HIVEP3: variants seen among roughly 807,000 people sequenced by gnomAD.
HIVEP3 encodes transcription factor HIVEP3.
Under a neutral mutation model 152.8 loss-of-function variants are expected in HIVEP3, and 49 were observed. The observed-to-expected ratio is 0.32, with a 90% CI of 0.26 to 0.41. The LOEUF (loss-of-function observed/expected upper bound fraction) is 0.41, where lower values mean the gene tolerates loss of function less well. Ranked by LOEUF, HIVEP3 falls within the 10% of genes least tolerant of loss-of-function variation. HIVEP3 has a pLI of 1.00. For missense variants in HIVEP3, 2,790 were observed against 3,103.3 expected (o/e 0.90, Z 2.40); for synonymous variants, 1,269 against 1,289.0 (o/e 0.98, Z 0.33).
chr1:41,994,138 C>G (rs1471661095), intron 1 of HIVEP3, among the ~76,000 whole-genome samples: 1 of 150,684 alleles, frequency 6.6e-6, no homozygotes, highest in Non-Finnish European at 1.5e-5. Context: ...TACCCTAAAA[C>G]TTAAAGTATA....
chr1:41,751,083 C>T (rs2124223870), intron 1 of HIVEP3, among the ~76,000 whole-genome samples: 1 of 152,288 alleles, frequency 6.6e-6, no homozygotes, highest in East Asian at 1.9e-4. Context: ...ACCCGAAGTT[C>T]ATGTCTAGGC....
At chr1:41,771,498 T>C (rs1253591478) in intron 1 of HIVEP3, among the ~76,000 whole-genome samples, 1 of 152,180 alleles carries the variant, frequency 6.6e-6, no homozygotes, top group Non-Finnish European at 1.5e-5. Flanking sequence ...TAGGTTGACC[T>C]CTTCTCTCCT....
At chr1:41,763,332 C>T (rs960275575) in intron 1 of HIVEP3, among the ~76,000 whole-genome samples, 15 of 152,200 alleles carry the variant, frequency 9.9e-5, no homozygotes, top group Non-Finnish European at 1.5e-5. Flanking sequence ...TGCCGTCCCC[C>T]TCCTGCCCTC....
rs1201591282 is a variant in HIVEP3, at chr1:41,584,001, T to C, written c.797A>G (p.Glu266Gly). ...CTCAAACTCTTCCCCAGGGATCCGC[T>C]CCATCTCCAGCCCATGTGGGTACAT... The part of the protein sequence containing the change: ...GEMYPHGLEM[E>G]RIPGEEFEEP... Residue 266 changes from glutamate (E) to glycine (G), a missense_variant, in exon 4 of 9, where the codon GAG (glutamate) becomes GGG (glycine). Transcript: ENST00000372583. The surrounding 1 kb of genome is among the most constrained non-coding windows in gnomAD (Gnocchi z 5.2). The C allele has an allele frequency of 1.2e-6, 2 of 1,614,058 alleles. No homozygotes were observed. The highest frequency in any genetic ancestry group is 1.7e-6 in the Non-Finnish European group (2 of 1,180,032).
chr1:41,805,865 C>T (rs1650573251), intron 1 of HIVEP3, among the ~76,000 whole-genome samples: 1 of 152,162 alleles, frequency 6.6e-6, no homozygotes, highest in African/African-American at 2.4e-5. Context: ...TCTCTCAGGC[C>T]ACCTTACGCC....
At chr1:41,626,252 C>T (rs895895615) in intron 3 of HIVEP3, among the ~76,000 whole-genome samples, 3 of 152,370 alleles carry the variant, frequency 2.0e-5, no homozygotes, top group South Asian at 2.1e-4. Flanking sequence ...TATATCCCAG[C>T]TCCTCCCTGG....
At chr1:41,661,535 C>G (rs1214685087) in intron 2 of HIVEP3, among the ~76,000 whole-genome samples, 9 of 152,208 alleles carry the variant, frequency 5.9e-5, no homozygotes, top group Non-Finnish European at 1.2e-4. Context: ...TAGGATGTAC[C>G]CCCAGTGCCA....
intron 1 of HIVEP3, among the ~76,000 whole-genome samples, chr1:41,884,837 G>C (rs1644319038): frequency 8.0e-6 from 1 of 125,762 alleles, no homozygotes; most frequent in East Asian, 2.8e-4. Context: ...GCAGCAGCCA[G>C]AGAAGGCAGG....
At chr1:41,905,059 G>A (rs925510224) in intron 1 of HIVEP3, among the ~76,000 whole-genome samples, 2 of 152,230 alleles carry the variant, frequency 1.3e-5, no homozygotes, top group Non-Finnish European at 2.9e-5. Context: ...GGAACATGAA[G>A]ATTTTTGTGA....
At chr1:41,862,592 G>A (rs147051511) in intron 1 of HIVEP3, among the ~76,000 whole-genome samples, 25 of 152,092 alleles carry the variant, frequency 1.6e-4, no homozygotes, top group African/African-American at 5.3e-4. Context: ...TTTCTGCATG[G>A]CTGTCAACAT....
upstream of HIVEP3, among the ~76,000 whole-genome samples, chr1:41,923,298 T>C (rs1287901093): frequency 6.6e-6 from 1 of 152,246 alleles, no homozygotes; most frequent in African/African-American, 2.4e-5. Flanking sequence ...TTGTTAAAAA[T>C]ATATTCTATT....
intron 1 of HIVEP3, among the ~76,000 whole-genome samples, chr1:41,853,639 T>C (rs1042234562): frequency 6.6e-6 from 1 of 152,042 alleles, no homozygotes; most frequent in Non-Finnish European, 1.5e-5. Context: ...AGGTGTTATA[T>C]AGTAAGGAGC....
Position 41,548,630 on chromosome 1 carries a change from G to A in HIVEP3, c.5208-23720C>T, listed in dbSNP as rs571581357. Among the ~76,000 whole-genome samples the A allele has an allele frequency of 2.6e-5, 4 of 151,974 alleles. No individual in the cohort carries two copies. In the East Asian group the frequency reaches 7.7e-4, roughly 29 times the overall value. ...GGCTCATTGCAACCTCCACCTCCCA[G>A]GTTCAAGTGATTCTCCTGCCTCAGC... is the stretch of plus-strand genomic sequence containing the variant. On this transcript the variant is annotated intron_variant, in intron 5 of 8. Transcript: ENST00000372583.
chr1:41,844,079 G>C (rs886127075), intron 1 of HIVEP3, among the ~76,000 whole-genome samples: 1 of 152,194 alleles, frequency 6.6e-6, no homozygotes, highest in African/African-American at 2.4e-5. Context: ...CTTCACCAGG[G>C]TGGATGAAAG....
chr1:41,662,066 G>C lies in HIVEP3; in HGVS notation c.-720-33119C>G, dbSNP rs1192547407. ...CCTCCGGTCCCTCTGCCGCCCGCTC[G>C]GCGGTGCCCGGTCCCTGGGCTGCCA... On this transcript the variant is annotated intron_variant, in intron 2 of 8. Transcript: ENST00000372583. This position sits in a 1 kb window ranked among gnomAD's most constrained non-coding sequence, Gnocchi z 7.2. 1.3e-5 allele frequency: 2 copies of C among 151,706 alleles called. No homozygotes were observed. The highest frequency in any genetic ancestry group is 2.9e-5 in the Non-Finnish European group (2 of 67,894). 9.4% of individuals were successfully genotyped at this position (151,706 alleles called of 1,614,324 possible).
chr1:41,731,394 C>A (rs545874618), intron 1 of HIVEP3, among the ~76,000 whole-genome samples: 59 of 152,304 alleles, frequency 3.9e-4, no homozygotes, highest in African/African-American at 1.4e-3. Flanking sequence ...TCAGGGTGAG[C>A]AGTCCAGAAA....
chr1:41,733,242 T>A (rs1462310691), intron 1 of HIVEP3, among the ~76,000 whole-genome samples: 1 of 152,012 alleles, frequency 6.6e-6, no homozygotes, highest in Non-Finnish European at 1.5e-5. Context: ...GTGGGGAAGA[T>A]GAGAACACAA....
intron 1 of HIVEP3, among the ~76,000 whole-genome samples, chr1:42,019,557 T>C: frequency 6.6e-6 from 1 of 152,058 alleles, no homozygotes; most frequent in East Asian, 1.9e-4. Flanking sequence ...TATATGTAAG[T>C]ATAATTGGTT....
intron 1 of HIVEP3, among the ~76,000 whole-genome samples, chr1:41,732,077 G>A (rs1035221352): frequency 1.1e-4 from 17 of 152,168 alleles, no homozygotes; most frequent in African/African-American, 4.1e-4. Context: ...GGCATGTGGT[G>A]GGGAATGACA....
Sources: gnomAD v4.1 joint callset for allele counts (sites outside exome capture counted in the v4.1 genomes callset) on GRCh38, gnomAD v4.1.1 for gene constraint, Gnocchi (gnomAD v3.1) non-coding constraint, MANE v1.5 for transcripts, NCBI Gene and HGNC (gene_info 2026-07-23, HGNC 2026-07-21) for gene names.